XKR9: variants seen among roughly 807,000 people sequenced by gnomAD.
XKR9 encodes XK related 9, also known as XK-related protein 9.
XKR9 carries 32 observed loss-of-function variants against 32.0 expected under a neutral mutation model. The observed-to-expected ratio is 1.00, with a 90% CI of 0.76 to 1.34. XKR9 has a LOEUF of 1.34. Among genes scored for constraint, XKR9 ranks in the 40% most tolerant of loss-of-function variants. The pLI is 0.00. For synonymous variants in XKR9, 168 were observed against 143.4 expected (o/e 1.17, Z -1.22); for missense variants, 546 against 429.7 (o/e 1.27, Z -2.39).
At chr8:70,992,701 G>A in the XKR9 span, among the ~76,000 whole-genome samples, 2 of 152,214 alleles carry the variant, frequency 1.3e-5, no homozygotes, top group Non-Finnish European at 2.9e-5. Flanking sequence ...AACAAGTTCT[G>A]TCTTCAGAGC....
chr8:70,841,461 G>C, the XKR9 span, among the ~76,000 whole-genome samples: 1 of 152,168 alleles, frequency 6.6e-6, no homozygotes, highest in South Asian at 2.1e-4. Context: ...TGCAAGAACA[G>C]CTTAAAAAAC....
intron 1 of XKR9, among the ~76,000 whole-genome samples, chr8:70,674,499 T>C (rs1263503940): frequency 6.6e-6 from 1 of 152,236 alleles, no homozygotes; most frequent in Non-Finnish European, 1.5e-5. Context: ...TATGATACTT[T>C]GTTAGAGTAC....
the XKR9 span, among the ~76,000 whole-genome samples, chr8:70,862,238 C>T: frequency 1.3e-5 from 2 of 152,006 alleles, no homozygotes; most frequent in East Asian, 1.9e-4. Flanking sequence ...TATATTTTCT[C>T]TTTTATAAAG....
the XKR9 span, among the ~76,000 whole-genome samples, chr8:70,877,526 C>T: frequency 1.3e-5 from 2 of 151,988 alleles, no homozygotes; most frequent in Non-Finnish European, 2.9e-5. Flanking sequence ...ATTTTCTGGA[C>T]TCCAAAGTCT....
At chr8:70,870,524 T>C in the XKR9 span, among the ~76,000 whole-genome samples, 1 of 152,354 alleles carries the variant, frequency 6.6e-6, no homozygotes, top group Middle Eastern at 3.4e-3. Flanking sequence ...TGTTAGGCAC[T>C]GATATGTGGT....
chr8:70,944,013 A>C, the XKR9 span, among the ~76,000 whole-genome samples: 6 of 152,174 alleles, frequency 3.9e-5, no homozygotes, highest in Non-Finnish European at 5.9e-5. Flanking sequence ...AAAAATGCTT[A>C]ATTTTCTAAG....
the XKR9 span, among the ~76,000 whole-genome samples, chr8:70,880,963 A>G: frequency 6.6e-6 from 1 of 152,130 alleles, no homozygotes; most frequent in Non-Finnish European, 1.5e-5. Context: ...CAGAAATAAC[A>G]TCACTCATCT....
At chr8:70,989,917 A>G in the XKR9 span, among the ~76,000 whole-genome samples, 1 of 152,222 alleles carries the variant, frequency 6.6e-6, no homozygotes, top group Non-Finnish European at 1.5e-5. Context: ...GAGATTTCAT[A>G]TCAGTGGAAT....
At chr8:71,009,250 C>T in the XKR9 span, among the ~76,000 whole-genome samples, 66 of 152,242 alleles carry the variant, frequency 4.3e-4, 2 homozygotes, top group Middle Eastern at 0.02. Flanking sequence ...GCAGCCCAGA[C>T]GGCTTTGAAT....
At chr8:70,977,441 C>G in the XKR9 span, among the ~76,000 whole-genome samples, 3 of 152,054 alleles carry the variant, frequency 2.0e-5, no homozygotes. Context: ...GATTATGGTA[C>G]GTTGTGTCTT....
chr8:70,695,277 T>C (rs111627163), intron 3 of XKR9, among the ~76,000 whole-genome samples: 1,551 of 150,044 alleles, frequency 0.01, 28 homozygotes, highest in African/African-American at 0.035. Context: ...GCTGCACCCA[T>C]TAACTCGTCA....
chr8:71,044,706 C>T, the XKR9 span, among the ~76,000 whole-genome samples: 1 of 152,070 alleles, frequency 6.6e-6, no homozygotes, highest in African/African-American at 2.4e-5. Flanking sequence ...CTATGCCTTG[C>T]CAATAGCCTT....
chr8:70,785,204 A>T (rs766282305), intron 2 of XKR9, among the ~76,000 whole-genome samples: 1 of 151,924 alleles, frequency 6.6e-6, no homozygotes, highest in Non-Finnish European at 1.5e-5. Flanking sequence ...TGGTCTCTTC[A>T]GATTTTCTAT....
At chr8:70,915,675 T>C in the XKR9 span, among the ~76,000 whole-genome samples, 1 of 152,222 alleles carries the variant, frequency 6.6e-6, no homozygotes, top group South Asian at 2.1e-4. Context: ...TTTGTTTTCA[T>C]AGGAATATTT....
the XKR9 span, among the ~76,000 whole-genome samples, chr8:70,841,155 A>G: frequency 6.6e-6 from 1 of 152,148 alleles, no homozygotes; most frequent in East Asian, 1.9e-4. Flanking sequence ...GTATTCTGTA[A>G]GTTTGATACA....
intron 2 of XKR9, among the ~76,000 whole-genome samples, chr8:70,752,813 A>C (rs1364310981): frequency 1.3e-5 from 2 of 152,240 alleles, no homozygotes; most frequent in Non-Finnish European, 2.9e-5. Flanking sequence ...AAGAGAAAGC[A>C]GGAAAGATCA....
the XKR9 span, among the ~76,000 whole-genome samples, chr8:70,967,276 A>T: frequency 7.2e-5 from 11 of 151,984 alleles, no homozygotes; most frequent in East Asian, 2.1e-3. Flanking sequence ...TCACCGTGTT[A>T]GCCAGGATGG....
the XKR9 span, among the ~76,000 whole-genome samples, chr8:71,046,617 A>G: frequency 6.6e-6 from 1 of 152,194 alleles, no homozygotes; most frequent in Admixed American, 6.5e-5. Flanking sequence ...GGCAGTGTTG[A>G]TTTAGGCCCA....
chr8:70,934,750 T>G, the XKR9 span, among the ~76,000 whole-genome samples: 1 of 151,956 alleles, frequency 6.6e-6, no homozygotes, highest in African/African-American at 2.4e-5. Flanking sequence ...TTAGACTAAC[T>G]GGACACCAAG....
Sources: gnomAD v4.1 joint callset for allele counts (sites outside exome capture counted in the v4.1 genomes callset) on GRCh38, gnomAD v4.1.1 for gene constraint, MANE v1.5 for transcripts, NCBI Gene and HGNC (gene_info 2026-07-23, HGNC 2026-07-21) for gene names.